Variants in BNC2 observed in about 807,000 individuals in gnomAD.
The protein encoded by BNC2 is zinc finger protein basonuclin-2.
BNC2 carries 20 observed loss-of-function variants against 76.3 expected under a neutral mutation model. The observed-to-expected ratio is 0.26, with a 90% CI of 0.18 to 0.38. BNC2 has a LOEUF of 0.38. Ranked by LOEUF, BNC2 falls within the 10% of genes least tolerant of loss-of-function variation. The probability of loss-of-function intolerance (pLI) is 1.00; values close to 1 mark genes in which losing one functional copy is unlikely to be tolerated. For missense variants in BNC2, 1,382 were observed against 1,399.8 expected, an observed-to-expected ratio of 0.99 and a Z score of 0.20; for synonymous variants, 582 against 514.8, an observed-to-expected ratio of 1.13 and a Z score of -1.77.
intron 3 of BNC2, among the ~76,000 whole-genome samples, chr9:16,678,750 C>G (rs1300689272): frequency 6.7e-6 from 1 of 148,774 alleles, no homozygotes; most frequent in Non-Finnish European, 1.5e-5. Context: ...TACAAATATA[C>G]TTTGGAACCT....
chr9:16,630,760 A>C (rs1821138859), intron 3 of BNC2, among the ~76,000 whole-genome samples: 1 of 41,858 alleles, frequency 2.4e-5, no homozygotes, highest in Admixed American at 1.7e-4. Context: ...TTTTTTTGAA[A>C]CAGAGTTTCA....
intron 4 of BNC2, chr9:16,580,038 G>C: frequency 2.5e-6 from 1 of 398,324 alleles, no homozygotes; most frequent in Non-Finnish European, 4.4e-6. Flanking sequence ...GAAAACCCAA[G>C]TCACTTCCTC....
chr9:16,440,716 CACT>C (rs1283284005), intron 5 of BNC2, among the ~76,000 whole-genome samples: 2 of 152,164 alleles, frequency 1.3e-5, no homozygotes, highest in Admixed American at 6.5e-5. Flanking sequence ...CCACAATGCC[CACT>C]ACTATTTCTA....
Position 16,842,462 on chromosome 9 carries a change from A to T in BNC2, c.3+28184T>A, listed in dbSNP as rs910437192. On this transcript the variant is annotated intron_variant, in intron 1 of 6. Transcript: ENST00000380672. ...TATAGAAAACAGTGGGTCAAAAAGT[A>T]AAAGATGCTAAGGGCTGGGGAGGGA... is the stretch of plus-strand genomic sequence containing the variant. Among the ~76,000 whole-genome samples the T allele has an allele frequency of 3.9e-5, 6 of 152,184 alleles. No homozygotes were observed. In the East Asian group the frequency reaches 1.2e-3, roughly 29 times the overall value.
chr9:16,851,056 T>C (rs1317023479), intron 1 of BNC2, among the ~76,000 whole-genome samples: 1 of 152,182 alleles, frequency 6.6e-6, no homozygotes, highest in African/African-American at 2.4e-5. Context: ...TAAATAATAA[T>C]ACTTATTTGT....
chr9:16,688,898 T>G (rs992352863), intron 3 of BNC2, among the ~76,000 whole-genome samples: 15 of 152,148 alleles, frequency 9.9e-5, no homozygotes, highest in Non-Finnish European at 2.1e-4. Flanking sequence ...TATACATACC[T>G]TGAAGGAATC....
At position 16,436,990 on chromosome 9, in the gene BNC2, C is replaced by G. The variant is rs779443679; in HGVS notation, c.1204G>C (p.Val402Leu). Residue 402 changes from valine to leucine, a missense_variant, in exon 6 of 7, where the codon GTC (valine) becomes CTC (leucine). Val to Leu is a conservative substitution (Grantham distance 32). Around this residue, in one of 3 missense-constraint regions of BNC2, gnomAD observed 557 missense variants for 540.9 expected, o/e 1.03. Coordinates refer to ENST00000380672, the MANE Select transcript of BNC2 (RefSeq NM_017637.6). The stretch of plus-strand genomic sequence containing the variant: ...GGGGCAGAATTCTGAATGGGAGAGA[C>G]ACAGGCTGGCTCGGTTTTGGGCTCC... ...NVEPKTEPAC[V>L]SPIQNSAPVS... The G allele has an allele frequency of 6.2e-7, 1 of 1,614,120 alleles. No homozygotes were observed. Among genetic ancestry groups the G allele is most frequent in the East Asian group, 2.2e-5 (1 of 44,874 alleles).
At chr9:16,498,897 C>A (rs1351947429) in intron 5 of BNC2, among the ~76,000 whole-genome samples, 2 of 152,086 alleles carry the variant, frequency 1.3e-5, no homozygotes, top group African/African-American at 4.8e-5. Flanking sequence ...TTGTCACCAT[C>A]TTCTCTGGGC....
intron 3 of BNC2, among the ~76,000 whole-genome samples, chr9:16,683,224 A>G (rs780938818): frequency 1.3e-5 from 2 of 152,224 alleles, no homozygotes; most frequent in Admixed American, 6.5e-5. Context: ...AAAGCTGCTA[A>G]GAAATCTGAA....
intron 5 of BNC2, among the ~76,000 whole-genome samples, chr9:16,479,743 T>C (rs1822007217): frequency 6.6e-6 from 1 of 151,750 alleles, no homozygotes; most frequent in Non-Finnish European, 1.5e-5. Flanking sequence ...GTTAGGCTAA[T>C]ATAATTTTGC....
At chr9:16,636,587 G>A (rs1022665829) in intron 3 of BNC2, among the ~76,000 whole-genome samples, 2 of 152,132 alleles carry the variant, frequency 1.3e-5, no homozygotes, top group Non-Finnish European at 2.9e-5. Context: ...ACAGGTGTGA[G>A]CCGCCACACC....
At chr9:16,741,512 T>A (rs1289276454) in intron 1 of BNC2, among the ~76,000 whole-genome samples, 1 of 151,708 alleles carries the variant, frequency 6.6e-6, no homozygotes, top group Non-Finnish European at 1.5e-5. Flanking sequence ...TGGCAAATAG[T>A]AGAACTCAGC....
At chr9:16,639,945 T>G (rs112787994) in intron 3 of BNC2, among the ~76,000 whole-genome samples, 3 of 151,790 alleles carry the variant, frequency 2.0e-5, no homozygotes, top group African/African-American at 7.2e-5. Context: ...ATCTCCAAAG[T>G]GGATTACATT....
chr9:16,764,625 TAATA>T (rs1825639913), intron 1 of BNC2, among the ~76,000 whole-genome samples: 1 of 152,150 alleles, frequency 6.6e-6, no homozygotes, highest in South Asian at 2.1e-4. Flanking sequence ...AGAAAACATA[TAATA>T]ATTATAGCTC....
At chr9:16,784,045 T>C (rs1326357876) in intron 1 of BNC2, among the ~76,000 whole-genome samples, 1 of 152,110 alleles carries the variant, frequency 6.6e-6, no homozygotes, top group African/African-American at 2.4e-5. Flanking sequence ...AAAGGCAAAA[T>C]TTCTGCTTAA....
intron 5 of BNC2, among the ~76,000 whole-genome samples, chr9:16,483,078 A>G (rs1032129929): frequency 1.3e-5 from 2 of 152,244 alleles, no homozygotes; most frequent in African/African-American, 4.8e-5. Context: ...GGCACTTACC[A>G]GGGCTCAGTG....
At chr9:16,638,254 C>A (rs1821385790) in intron 3 of BNC2, among the ~76,000 whole-genome samples, 2 of 152,062 alleles carry the variant, frequency 1.3e-5, no homozygotes, top group South Asian at 4.1e-4. Flanking sequence ...CATCTGAAAC[C>A]AAGTGCATAG....
rs756865653 is a variant in BNC2 at position 16,498,240 on chromosome 9, C to CAT, written c.669+54288_669+54289dup. On this transcript the variant is annotated intron_variant, in intron 5 of 6. Transcript: ENST00000380672. ...ATTCCATCATATATATATATTCCAT[C>CAT]ATATATATATATATTCCATCATATA... Among the ~76,000 whole-genome samples the CAT allele has an allele frequency of 3.1e-4, 31 of 99,112 alleles. 2 individuals are homozygous for CAT. Among genetic ancestry groups the CAT allele is most frequent in the East Asian group, 3.1e-3 (8 of 2,608 alleles). The allele number at this position is 99,112 out of a possible 152,430, so 65.0% of individuals were successfully genotyped here.
At chr9:16,638,810 G>C (rs754225526) in intron 3 of BNC2, among the ~76,000 whole-genome samples, 16 of 152,024 alleles carry the variant, frequency 1.1e-4, no homozygotes, top group Non-Finnish European at 2.1e-4. Flanking sequence ...GAGTAAAATT[G>C]AGTCTCTTTC....
Sources: allele counts gnomAD v4.1 joint callset (sites outside exome capture counted in the v4.1 genomes callset), GRCh38; gene constraint gnomAD v4.1.1; regional missense constraint gnomAD v4.1.1; transcripts MANE v1.5; gene names NCBI Gene and HGNC (gene_info 2026-07-23, HGNC 2026-07-21).